DNAJC21: variants seen among roughly 807,000 people sequenced by gnomAD.
DNAJC21 encodes DnaJ heat shock protein family (Hsp40) member C21.
A neutral mutation model predicts 72.4 loss-of-function variants in DNAJC21; 63 were observed. The observed-to-expected ratio is 0.87, with a 90% CI of 0.71 to 1.07. The LOEUF (loss-of-function observed/expected upper bound fraction) is 1.07. Among genes scored for constraint, DNAJC21 ranks in the 50% least tolerant of loss-of-function variants. The pLI is 0.00. For missense variants in DNAJC21, 634 were observed against 644.8 expected, an observed-to-expected ratio of 0.98 and a Z score of 0.18; for synonymous variants, 203 against 216.7, an observed-to-expected ratio of 0.94 and a Z score of 0.56.
rs750299466 is a variant in DNAJC21 at position 34,949,535 on chromosome 5, A to G, written c.1186-635A>G. The G allele has an allele frequency of 9.0e-5, 140 of 1,552,902 alleles. No homozygotes were observed. The highest frequency in any genetic ancestry group is 1.2e-4 in the Non-Finnish European group (136 of 1,147,346). ...GAGTATTGTGCCAGAGAATGTTTTGATTCTTAGGATGTACCTGGCAAAGAT... is the reference window on the plus strand; with the variant it reads ...GAGTATTGTGCCAGAGAATGTTTTGGTTCTTAGGATGTACCTGGCAAAGAT... On this transcript the variant is annotated intron_variant, in intron 9 of 11. Transcript: ENST00000648817.
rs772248781 is a variant in DNAJC21 at position 34,941,122 on chromosome 5, G to A, written c.922G>A (p.Ala308Thr). 6 of 1,614,004 alleles carry A rather than the reference G, an allele frequency of 3.7e-6. No homozygotes were observed. Among genetic ancestry groups the A allele is most frequent in the African/African-American group, 1.3e-5 (1 of 74,914 alleles). Residue 308 changes from alanine (A) to threonine (T), a missense_variant, in exon 7 of 12, where the codon GCT (alanine) becomes ACT (threonine). Transcript: ENST00000648817. ...DGKDSDEAED[A>T]ELYDDLYCPA... is the part of the protein sequence containing the mutation. ...TAAAGACAGTGATGAGGCCGAGGAC[G>A]CTGAGCTCTATGATGACCTTTACTG...
In DNAJC21 at chr5:34,958,283, A is replaced by T. The variant is rs1765592217; in HGVS notation, c.*3569A>T. The stretch of plus-strand genomic sequence containing the variant: ...AAAGTAGTGTGTGGCTGGTGCCAGT[A>T]GAGGTCAGTCAAGGGATCCCTGACG... On this transcript the variant is annotated 3_prime_UTR_variant, in exon 12 of 12. Transcript: ENST00000648817. 1 of 152,254 alleles carries T rather than the reference A, an allele frequency of 6.6e-6. No homozygotes were observed. The highest frequency in any genetic ancestry group is 6.5e-5 in the Admixed American group (1 of 15,288). 9.4% of individuals were successfully genotyped at this position (152,254 alleles called of 1,614,324 possible). A position where few individuals can be genotyped will look rare whatever the true frequency, so the allele number is the denominator to read the frequency against.
rs896525064 is a variant in DNAJC21, at chr5:34,956,438, G to A, written c.*1724G>A. ...TGCTCCCCTTCTTGATCTCTTCAGG[G>A]GGAATACTAGGCAGTTTTGTATCTT... is the stretch of plus-strand genomic sequence containing the variant. On this transcript the variant is annotated 3_prime_UTR_variant, in exon 12 of 12. Coordinates refer to ENST00000648817, the MANE Select transcript of DNAJC21 (RefSeq NM_001012339.3). The A allele has an allele frequency of 6.6e-6, 1 of 151,836 alleles. No homozygotes were observed. The highest frequency in any genetic ancestry group is 2.4e-5 in the African/African-American group (1 of 41,284). The allele number at this position is 151,836 out of a possible 1,614,324, so 9.4% of individuals were successfully genotyped here.
In DNAJC21 at chr5:34,958,598, C is replaced by G. The variant is rs1765599619; in HGVS notation, c.*3884C>G. On this transcript the variant is annotated 3_prime_UTR_variant, in exon 12 of 12. Transcript: ENST00000648817. ...TAGAACAATAGAGACTGTAAAAGAACAAGCTACAGACAAGGAAATGTTTGC... is the reference window on the plus strand; with the variant it reads ...TAGAACAATAGAGACTGTAAAAGAAGAAGCTACAGACAAGGAAATGTTTGC... The G allele has an allele frequency of 1.3e-5, 2 of 152,072 alleles. No individual in the cohort carries two copies. The highest frequency in any genetic ancestry group is 4.8e-5 in the African/African-American group (2 of 41,394). The allele number at this position is 152,072 out of a possible 1,614,324, so 9.4% of individuals were successfully genotyped here.
rs1290418192 is a variant in DNAJC21 at position 34,955,057 on chromosome 5, C to A, written c.*343C>A. 1.2e-5 allele frequency: 2 copies of A among 163,244 alleles called. No homozygotes were observed. The highest frequency in any genetic ancestry group is 4.8e-5 in the African/African-American group (2 of 41,852). The allele number at this position is 163,244 out of a possible 1,614,324, so 10.1% of individuals were successfully genotyped here. On this transcript the variant is annotated 3_prime_UTR_variant, in exon 12 of 12. Coordinates refer to ENST00000648817, the MANE Select transcript of DNAJC21 (RefSeq NM_001012339.3). Reference sequence around the variant, plus strand: ...GAAGTGCAACTTTCTGCTTTATTTTCTGAATTTCACATTACTTTTACTTAA... The same window carrying A: ...GAAGTGCAACTTTCTGCTTTATTTTATGAATTTCACATTACTTTTACTTAA...
chr5:34,943,278 T>C (rs1169199257), intron 7 of DNAJC21, among the ~76,000 whole-genome samples: 1 of 152,218 alleles, frequency 6.6e-6, no homozygotes, highest in African/African-American at 2.4e-5. Flanking sequence ...TTGTCTTTTA[T>C]GCTGTTTACA....
chr5:34,940,651 A>T (rs1046975069), intron 6 of DNAJC21, among the ~76,000 whole-genome samples: 1 of 152,240 alleles, frequency 6.6e-6, no homozygotes, highest in African/African-American at 2.4e-5. Context: ...ATGTTAACTT[A>T]TGGCCTATCC....
At chr5:34,930,762 G>A (rs1344566110) in intron 1 of DNAJC21, among the ~76,000 whole-genome samples, 3 of 152,170 alleles carry the variant, frequency 2.0e-5, no homozygotes, top group Admixed American at 6.5e-5. Flanking sequence ...GCAAGTCACT[G>A]CACTCTACTA....
At chr5:34,949,676 A>G (rs1765295123) in intron 9 of DNAJC21, 2 of 1,613,900 alleles carry the variant, frequency 1.2e-6, no homozygotes, top group Non-Finnish European at 1.7e-6. Flanking sequence ...GAAAACAGAC[A>G]GGTACGCTTA....
At chr5:34,936,681 C>T (rs1764791062) in intron 4 of DNAJC21, among the ~76,000 whole-genome samples, 1 of 152,294 alleles carries the variant, frequency 6.6e-6, no homozygotes, top group African/African-American at 2.4e-5. Context: ...TGTCTCTCTT[C>T]CTTTCTGAAG....
rs747778913 is a variant in DNAJC21 at position 34,957,012 on chromosome 5, T to C, written c.*2298T>C. 2.6e-5 allele frequency: 4 copies of C among 152,208 alleles called. No homozygotes were observed. The highest frequency in any genetic ancestry group is 5.9e-5 in the Non-Finnish European group (4 of 68,036). 9.4% of individuals were successfully genotyped at this position (152,208 alleles called of 1,614,324 possible). On this transcript the variant is annotated 3_prime_UTR_variant, in exon 12 of 12. Coordinates refer to ENST00000648817, the MANE Select transcript of DNAJC21 (RefSeq NM_001012339.3). The stretch of plus-strand genomic sequence containing the variant: ...GTTGAATTTAAATAAGGTAAATCTT[T>C]TTTAGTTTATATATTTGCAGACTAT...
chr5:34,948,529 G>C (rs1250515571), intron 9 of DNAJC21, among the ~76,000 whole-genome samples: 1 of 152,200 alleles, frequency 6.6e-6, no homozygotes, highest in Non-Finnish European at 1.5e-5. Flanking sequence ...TTCATACATT[G>C]CATTTGTTAA....
At position 34,958,863 on chromosome 5, in the gene DNAJC21, G is replaced by T. The variant is rs1355714442; in HGVS notation, c.*4149G>T. 1.3e-5 allele frequency: 2 copies of T among 152,092 alleles called. No individual in the cohort carries two copies. The allele number at this position is 152,092 out of a possible 1,614,324, so 9.4% of individuals were successfully genotyped here. A position where few individuals can be genotyped will look rare whatever the true frequency, so the allele number is the denominator to read the frequency against. Reference sequence around the variant, plus strand: ...AAAAATTATGTTAAAAAAATAAGAAGAATGACTATTTTTCAAAACAAAAAA... The same window carrying T: ...AAAAATTATGTTAAAAAAATAAGAATAATGACTATTTTTCAAAACAAAAAA... On this transcript the variant is annotated 3_prime_UTR_variant, in exon 12 of 12. Transcript: ENST00000648817.
rs1290785909 is a variant in DNAJC21, at chr5:34,950,151, C to T, written c.1186-19C>T. 8 of 1,586,950 alleles carry T rather than the reference C, an allele frequency of 5.0e-6. No homozygotes were observed. Among genetic ancestry groups the T allele is most frequent in the Admixed American group, 3.7e-5 (2 of 54,538 alleles). On this transcript the variant is annotated intron_variant, in intron 9 of 11. Transcript: ENST00000648817. Reference sequence around the variant, plus strand: ...GTATTATATTTATTTTGTAACGGCACATATGTTTTATTACCTAGAATTATG... The same window carrying T: ...GTATTATATTTATTTTGTAACGGCATATATGTTTTATTACCTAGAATTATG...
At position 34,933,151 on chromosome 5, in the gene DNAJC21, T is replaced by A. The variant is rs146704786; in HGVS notation, c.98-664T>A. Reference sequence around the variant, plus strand: ...AGAAAGAAAAAAACAATGTCAGCACTAAACATAATCTAGTACAAAATAAGT... The same window carrying A: ...AGAAAGAAAAAAACAATGTCAGCACAAAACATAATCTAGTACAAAATAAGT... On this transcript the variant is annotated intron_variant, in intron 1 of 11. Transcript: ENST00000648817. Among the ~76,000 whole-genome samples, 705 of 152,370 alleles carry A rather than the reference T, an allele frequency of 4.6e-3. 7 individuals are homozygous for A. The highest frequency in any genetic ancestry group is 0.016 in the African/African-American group (684 of 41,592).
chr5:34,937,545 C>T lies in DNAJC21; in HGVS notation c.658C>T (p.His220Tyr), dbSNP rs990431933. ...TAAAAGAGATAAAAGAGTGCAGGCG[C>T]ATCGAAAACTTGTGGAAGAACAGAA... The part of the protein sequence containing the change: ...IRKRDKRVQA[H>Y]RKLVEEQNAE... Residue 220 changes from histidine (H) to tyrosine (Y), a missense_variant, in exon 5 of 12, where the codon CAT becomes TAT. Physicochemically the swap from His to Tyr is moderately conservative, Grantham distance 83. Transcript: ENST00000648817. The T allele has an allele frequency of 5.6e-6, 9 of 1,613,854 alleles. No homozygotes were observed. Among genetic ancestry groups the T allele is most frequent in the Non-Finnish European group, 7.6e-6 (9 of 1,179,910 alleles).
intron 1 of DNAJC21, among the ~76,000 whole-genome samples, chr5:34,931,408 G>A (rs1764588526): frequency 1.3e-5 from 2 of 152,176 alleles, no homozygotes; most frequent in African/African-American, 2.4e-5. Context: ...AGGAGTTTGG[G>A]TTGTTACTGT....
intron 2 of DNAJC21, among the ~76,000 whole-genome samples, chr5:34,934,382 C>G (rs1432339439): frequency 6.6e-6 from 1 of 151,490 alleles, no homozygotes; most frequent in Non-Finnish European, 1.5e-5. Context: ...GTGTGTGCCA[C>G]CACACACCTG....
At chr5:34,950,719 G>A (rs1283264713) in intron 10 of DNAJC21, 16 of 992,742 alleles carry the variant, frequency 1.6e-5, no homozygotes, top group South Asian at 9.1e-5. Context: ...CCATGCTCAC[G>A]ACAGCAGCCT....
Sources: gnomAD v4.1 joint callset for allele counts (sites outside exome capture counted in the v4.1 genomes callset) on GRCh38, gnomAD v4.1.1 for gene constraint, MANE v1.5 for transcripts, NCBI Gene and HGNC (gene_info 2026-07-23, HGNC 2026-07-21) for gene names.